Variants in EIF2AK3 observed in about 807,000 individuals in gnomAD.
EIF2AK3 encodes eukaryotic translation initiation factor 2-alpha kinase 3.
EIF2AK3 carries 50 observed loss-of-function variants against 113.5 expected under a neutral mutation model. The observed-to-expected ratio is 0.44, with a 90% CI of 0.35 to 0.56. The LOEUF (loss-of-function observed/expected upper bound fraction) is 0.56, where lower values mean the gene tolerates loss of function less well. Among genes scored for constraint, EIF2AK3 ranks in the 20% least tolerant of loss-of-function variants. The pLI, the probability that EIF2AK3 is intolerant of heterozygous loss-of-function variation, is 0.00. For missense variants in EIF2AK3, 1,185 were observed against 1,378.0 expected (o/e 0.86, Z 2.22); for synonymous variants, 448 against 495.4 (o/e 0.90, Z 1.27).
At chr2:88,580,813 A>G (rs1394538510) in intron 10 of EIF2AK3, among the ~76,000 whole-genome samples, 1 of 152,194 alleles carries the variant, frequency 6.6e-6, no homozygotes, top group Non-Finnish European at 1.5e-5. Flanking sequence ...AGGAGAAGCA[A>G]TAGATTTCAA....
intron 2 of EIF2AK3, among the ~76,000 whole-genome samples, chr2:88,605,675 T>C (rs1307295541): frequency 6.6e-6 from 1 of 152,034 alleles, no homozygotes; most frequent in Admixed American, 6.6e-5. Flanking sequence ...TCAAAAATGA[T>C]ACACTTGAAT....
chr2:88,566,911 A>T (rs560824636), intron 14 of EIF2AK3, among the ~76,000 whole-genome samples: 1 of 152,170 alleles, frequency 6.6e-6, no homozygotes, highest in Admixed American at 6.5e-5. Context: ...TCACATGACT[A>T]TACTCCAGCC....
chr2:88,598,318 A>G (rs1675068319), intron 2 of EIF2AK3, among the ~76,000 whole-genome samples: 1 of 152,170 alleles, frequency 6.6e-6, no homozygotes, highest in Non-Finnish European at 1.5e-5. Context: ...CAGAATATCT[A>G]CATGTTCTAG....
chr2:88,564,340 T>G (rs762422094), intron 14 of EIF2AK3, among the ~76,000 whole-genome samples: 92 of 152,222 alleles, frequency 6.0e-4, no homozygotes, highest in Middle Eastern at 6.3e-3. Flanking sequence ...GTGTGACTTT[T>G]TAAGGAGCAC....
intron 9 of EIF2AK3, among the ~76,000 whole-genome samples, chr2:88,585,279 C>T (rs1256084708): frequency 2.0e-5 from 3 of 151,406 alleles, no homozygotes; most frequent in African/African-American, 4.9e-5. Context: ...TACGGCAGTA[C>T]GTTTCTTTGA....
intron 15 of EIF2AK3, among the ~76,000 whole-genome samples, chr2:88,561,462 CGT>C (rs1348740035): frequency 6.6e-6 from 1 of 151,848 alleles, no homozygotes; most frequent in Non-Finnish European, 1.5e-5. Flanking sequence ...GGGGTTTTAC[CGT>C]GTTAGCCAGG....
At chr2:88,618,416 C>T (rs1374458706) in intron 1 of EIF2AK3, among the ~76,000 whole-genome samples, 1 of 152,208 alleles carries the variant, frequency 6.6e-6, no homozygotes, top group Non-Finnish European at 1.5e-5. Flanking sequence ...CCAAGGCTCT[C>T]CTCTCATTCT....
intron 1 of EIF2AK3, among the ~76,000 whole-genome samples, chr2:88,615,768 C>T (rs996401029): frequency 6.6e-6 from 1 of 152,218 alleles, no homozygotes; most frequent in African/African-American, 2.4e-5. Flanking sequence ...TCTTGCCCCT[C>T]TGCAACAAAA....
At chr2:88,585,776 T>C in intron 9 of EIF2AK3, 65 bp downstream of exon 9, 3 of 1,507,102 alleles carry the variant, frequency 2.0e-6, no homozygotes, top group Non-Finnish European at 2.7e-6. Flanking sequence ...CAGACTGTGA[T>C]GGGTTGAGAA....
intron 2 of EIF2AK3, among the ~76,000 whole-genome samples, chr2:88,610,273 A>G (rs1352484446): frequency 6.6e-6 from 1 of 152,244 alleles, no homozygotes; most frequent in African/African-American, 2.4e-5. Context: ...AAATATGCCA[A>G]CATTTAAAAG....
Position 88,586,053 on chromosome 2 carries a change from A to G in EIF2AK3, c.1438T>C (p.Tyr480His). ...SILQYPYDNGYYLPYYKRERN... is the reference protein window; with the variant it reads ...SILQYPYDNGHYLPYYKRERN... Reference sequence around the variant, plus strand: ...TCCCTCTTGTAGTATGGTAGATAATAACCATTATCTTCAAATAGAAACATT... The same window carrying G: ...TCCCTCTTGTAGTATGGTAGATAATGACCATTATCTTCAAATAGAAACATT... The change falls in exon 9 of 17, where the codon TAT becomes CAT. Residue 480 changes from tyrosine (Y) to histidine (H), a missense_variant. Physicochemically the swap from Tyr to His is moderately conservative, Grantham distance 83. Around this residue, in one of 3 missense-constraint regions of EIF2AK3, gnomAD observed 877 missense variants for 1,024.2 expected, o/e 0.86. Transcript: ENST00000303236. 6.2e-7 allele frequency: 1 copy of G among 1,612,588 alleles called. No homozygotes were observed. Among genetic ancestry groups the G allele is most frequent in the Non-Finnish European group, 8.5e-7 (1 of 1,178,644 alleles).
chr2:88,574,929 T>C lies in EIF2AK3; in HGVS notation c.2554A>G (p.Thr852Ala). The C allele has an allele frequency of 6.2e-7, 1 of 1,614,224 alleles. No homozygotes were observed. Among genetic ancestry groups the C allele is most frequent in the Non-Finnish European group, 8.5e-7 (1 of 1,180,036 alleles). Residue 852 changes from threonine (T) to alanine (A), a missense_variant, in exon 13 of 17, where the codon ACA (threonine) becomes GCA (alanine). Physicochemically the swap from Thr to Ala is moderately conservative, Grantham distance 58. Transcript: ENST00000303236. Reference sequence around the variant, plus strand: ...GGTCTTGGAGGAGAAATAGACAATGTAGCTTCAGAAGAAGATTTGCTACTG... The same window carrying C: ...GGTCTTGGAGGAGAAATAGACAATGCAGCTTCAGAAGAAGATTTGCTACTG... ...PTSSKSSSEA[T>A]LSISPPRPTT... is the part of the protein sequence containing the mutation.
intron 1 of EIF2AK3, among the ~76,000 whole-genome samples, chr2:88,624,369 A>C (rs983673377): frequency 2.0e-5 from 3 of 152,206 alleles, no homozygotes; most frequent in African/African-American, 7.2e-5. Flanking sequence ...TCTCCTAAAA[A>C]TTACCTCATC....
chr2:88,563,256 C>T (rs910912992), intron 14 of EIF2AK3, among the ~76,000 whole-genome samples: 1 of 152,156 alleles, frequency 6.6e-6, no homozygotes, highest in African/African-American at 2.4e-5. Flanking sequence ...ATGATCCCTT[C>T]ACAACTTCCC....
chr2:88,627,216 A>C lies in EIF2AK3; in HGVS notation c.59T>G (p.Leu20Arg). The C allele has an allele frequency of 1.6e-6, 1 of 622,666 alleles. No individual in the cohort carries two copies. Among genetic ancestry groups the C allele is most frequent in the Non-Finnish European group, 2.4e-6 (1 of 422,844 alleles). 38.6% of individuals were successfully genotyped at this position (622,666 alleles called of 1,614,324 possible). The change falls in exon 1 of 17, where the codon CTG (leucine) becomes CGG (arginine). Residue 20 changes from leucine to arginine, a missense_variant. By Grantham distance (102) the Leu-to-Arg change is moderately radical. This residue lies in a region of EIF2AK3 where 189 missense variants were observed against 175.2 expected (regional missense o/e 1.08). Transcript: ENST00000303236. ...LVRALLLLLLLLGLAARTVAA... is the reference protein window; with the variant it reads ...LVRALLLLLLRLGLAARTVAA... ...CACCGTCCTTGCCGCGAGCCCCAGC[A>C]GCAGCAGCAGCAGCAGCAGCGCCCG...
intron 4 of EIF2AK3, among the ~76,000 whole-genome samples, chr2:88,591,727 A>T (rs1573406524): frequency 6.6e-6 from 1 of 152,204 alleles, no homozygotes; most frequent in Non-Finnish European, 1.5e-5. Flanking sequence ...TTTCACTTAG[A>T]TATAAAATGG....
Position 88,561,769 on chromosome 2 carries a change from GGATGGCTT to G in EIF2AK3, c.3087+512_3087+519del, listed in dbSNP as rs1373957646. The stretch of plus-strand genomic sequence containing the variant: ...AGCTACTGGGGAGACTGAGATGGGA[GGATGGCTT>G]GAGCCCAGGAGGTTGAGGCTGCAGC... On this transcript the variant is annotated intron_variant, in intron 15 of 16. Transcript: ENST00000303236. Among the ~76,000 whole-genome samples the G allele has an allele frequency of 9.8e-5, 15 of 152,302 alleles. No individual in the cohort carries two copies. In the East Asian group the frequency reaches 1.9e-3, roughly 20 times the overall value.
chr2:88,574,792 T>G lies in EIF2AK3; in HGVS notation c.2691A>C (p.Lys897Asn). The change falls in exon 13 of 17, where the codon AAA becomes AAC. Residue 897 changes from lysine to asparagine, a missense_variant. This residue lies in a region of EIF2AK3 where 877 missense variants were observed against 1,024.2 expected (regional missense o/e 0.86). Coordinates refer to ENST00000303236, the MANE Select transcript of EIF2AK3 (RefSeq NM_004836.7). ...QMQLCRKENL[K>N]DWMNGRCTIE... ...TGGTACATCGTCCATTCATCCAGTC[T>G]TTGAGGTTTTCTTTTCTGCACAGCT... 1 of 1,614,198 alleles carries G rather than the reference T, an allele frequency of 6.2e-7. No homozygotes were observed. The highest frequency in any genetic ancestry group is 8.5e-7 in the Non-Finnish European group (1 of 1,180,032).
intron 2 of EIF2AK3, among the ~76,000 whole-genome samples, chr2:88,604,521 G>C (rs1675223147): frequency 6.6e-6 from 1 of 152,100 alleles, no homozygotes; most frequent in Non-Finnish European, 1.5e-5. Context: ...ATCCTGCCTT[G>C]TGCCAGTTAC....
Sources: allele counts gnomAD v4.1 joint callset (sites outside exome capture counted in the v4.1 genomes callset), GRCh38; gene constraint gnomAD v4.1.1; regional missense constraint gnomAD v4.1.1; transcripts MANE v1.5; gene names NCBI Gene and HGNC (gene_info 2026-07-23, HGNC 2026-07-21).